CFAP58: variants seen among roughly 807,000 people sequenced by gnomAD.
CFAP58 encodes the protein cilia and flagella associated protein 58.
A neutral mutation model predicts 119.5 loss-of-function variants in CFAP58; 88 were observed. The ratio of observed to expected loss-of-function variants is 0.74; its 90% CI spans 0.62 to 0.88. The LOEUF is 0.88. Among genes scored for constraint, CFAP58 ranks in the 40% least tolerant of loss-of-function variants. The probability of loss-of-function intolerance (pLI) is 0.00; values close to 1 mark genes in which losing one functional copy is unlikely to be tolerated. For synonymous variants in CFAP58, 365 were observed against 366.3 expected (o/e 1.00, Z 0.04); for missense variants, 990 against 1,021.2 (o/e 0.97, Z 0.42).
At position 104,442,625 on chromosome 10, in the gene CFAP58, A is replaced by G. The variant is rs149508511; in HGVS notation, c.2257-5073A>G. Among the ~76,000 whole-genome samples the G allele has an allele frequency of 4.0e-3, 607 of 152,084 alleles. 1 individual carries two copies. The highest frequency in any genetic ancestry group is 6.1e-3 in the Non-Finnish European group (416 of 68,002). On this transcript the variant is annotated intron_variant, in intron 15 of 17. Coordinates refer to ENST00000369704, the MANE Select transcript of CFAP58 (RefSeq NM_001008723.2). ...AAAAAAGTTATGCTTACATTTTTAT[A>G]TTTATGTGTATCAGTATGTACATGC...
chr10:104,450,171 AC>A lies in CFAP58; in HGVS notation c.2479del (p.Leu827SerfsTer23). The A allele has an allele frequency of 6.2e-7, 1 of 1,613,380 alleles. No individual in the cohort carries two copies. Among genetic ancestry groups the A allele is most frequent in the Non-Finnish European group, 8.5e-7 (1 of 1,179,846 alleles). On this transcript the variant is annotated frameshift_variant, in exon 17 of 18. Transcript: ENST00000369704. LOFTEE classifies it high-confidence loss of function. ...GAGCTCCAGAATTTAAAGAAGAAAT[AC>A]CTCGCTCAGAAACGTAAAGAACAAC... is the stretch of plus-strand genomic sequence containing the variant. Reference protein sequence around the residue: ...TNELQNLKKKYLAQKRKEQLQ... With the variant: ...TNELQNLKKKXLAQKRKEQLQ...
intron 15 of CFAP58, among the ~76,000 whole-genome samples, chr10:104,421,360 C>T (rs1317020161): frequency 6.6e-6 from 1 of 152,176 alleles, no homozygotes; most frequent in African/African-American, 2.4e-5. Context: ...TCTGGTTGGT[C>T]GCAGCCTGAG....
At chr10:104,434,820 C>G (rs1483149296) in intron 15 of CFAP58, among the ~76,000 whole-genome samples, 2 of 152,192 alleles carry the variant, frequency 1.3e-5, no homozygotes, top group African/African-American at 4.8e-5. Context: ...ACTTGTCTGC[C>G]TCTCCCATTA....
chr10:104,440,844 C>A (rs934174148), intron 15 of CFAP58, among the ~76,000 whole-genome samples: 1 of 152,076 alleles, frequency 6.6e-6, no homozygotes, highest in Non-Finnish European at 1.5e-5. Flanking sequence ...TTTCCCTTTC[C>A]GTGGCCCACC....
chr10:104,399,543 C>A (rs2012225121), intron 12 of CFAP58, 43 bp downstream of exon 12: 4 of 1,597,936 alleles, frequency 2.5e-6, no homozygotes, highest in African/African-American at 2.7e-5. Context: ...TGTCAACAGA[C>A]ACGGGTATTT....
the CFAP58 span, among the ~76,000 whole-genome samples, chr10:104,345,216 G>T: frequency 6.6e-6 from 1 of 151,818 alleles, no homozygotes; most frequent in Admixed American, 6.6e-5. Flanking sequence ...GCCTATCCTT[G>T]TTGCCTATGA....
chr10:104,357,280 G>C (rs2014555317), intron 1 of CFAP58, among the ~76,000 whole-genome samples: 1 of 152,174 alleles, frequency 6.6e-6, no homozygotes, highest in South Asian at 2.1e-4. Flanking sequence ...ATCTAACCAT[G>C]GAAAGCAAAT....
chr10:104,347,604 T>C, the CFAP58 span, among the ~76,000 whole-genome samples: 2 of 152,128 alleles, frequency 1.3e-5, no homozygotes, highest in Admixed American at 6.5e-5. Flanking sequence ...ATGTAGTTTT[T>C]AGATTCCATA....
chr10:104,403,282 T>C (rs550120147), intron 13 of CFAP58, among the ~76,000 whole-genome samples: 1 of 152,290 alleles, frequency 6.6e-6, no homozygotes, highest in East Asian at 1.9e-4. Context: ...CGATGTAAGA[T>C]GTTCCTTTGC....
the CFAP58 span, among the ~76,000 whole-genome samples, chr10:104,338,768 G>A: frequency 6.6e-6 from 1 of 152,246 alleles, no homozygotes; most frequent in Admixed American, 6.5e-5. Flanking sequence ...CAGTCGGGGA[G>A]AGTTTTCTGC....
intron 15 of CFAP58, among the ~76,000 whole-genome samples, chr10:104,443,418 G>A (rs561214970): frequency 6.6e-6 from 1 of 152,326 alleles, no homozygotes; most frequent in East Asian, 1.9e-4. Context: ...CTGGAGGAAA[G>A]CTGCCTGTTT....
chr10:104,341,046 T>C, the CFAP58 span, among the ~76,000 whole-genome samples: 1 of 152,164 alleles, frequency 6.6e-6, no homozygotes, highest in Admixed American at 6.5e-5. Flanking sequence ...CAATTTATAC[T>C]ACCCACGTGC....
At chr10:104,416,694 A>G (rs1483929563) in intron 15 of CFAP58, among the ~76,000 whole-genome samples, 1 of 152,186 alleles carries the variant, frequency 6.6e-6, no homozygotes, top group Non-Finnish European at 1.5e-5. Context: ...ATGCTTGTAT[A>G]GGTATTATCT....
rs1413798760 is a variant in CFAP58 at position 104,353,886 on chromosome 10, G to C, written c.-12G>C. The C allele has an allele frequency of 6.2e-7, 1 of 1,612,934 alleles. No homozygotes were observed. Among genetic ancestry groups the C allele is most frequent in the Non-Finnish European group, 8.5e-7 (1 of 1,179,154 alleles). The stretch of plus-strand genomic sequence containing the variant: ...ACAGCAGCCTCTGAGGCCGCCCCCA[G>C]AGAGCATCAGGATGGCTGAGGTCAG... On this transcript the variant is annotated 5_prime_UTR_variant, in exon 1 of 18. Coordinates refer to ENST00000369704, the MANE Select transcript of CFAP58 (RefSeq NM_001008723.2).
At chr10:104,419,713 C>T (rs989730852) in intron 15 of CFAP58, among the ~76,000 whole-genome samples, 1 of 152,054 alleles carries the variant, frequency 6.6e-6, no homozygotes, top group African/African-American at 2.4e-5. Context: ...GACTTCGTTG[C>T]TTTGTTAGAC....
rs543463749 is a variant in CFAP58 at position 104,407,313 on chromosome 10, CCAT to C, written c.2256+541_2256+543del. On this transcript the variant is annotated intron_variant, in intron 15 of 17. Coordinates refer to ENST00000369704, the MANE Select transcript of CFAP58 (RefSeq NM_001008723.2). ...ATCATCATCACCATCTTCCTCACTG[CCAT>C]CATCATCATCATCATCATCACTTAC... 5.4e-4 allele frequency among the ~76,000 whole-genome samples: 82 copies of C among 152,102 alleles called. No individual in the cohort carries two copies. The East Asian group carries it at 5.6e-3, about 10-fold the overall frequency.
intron 1 of CFAP58, among the ~76,000 whole-genome samples, chr10:104,357,855 A>ACACACATATATACACATATATG: frequency 2.1e-5 from 1 of 46,776 alleles, no homozygotes; most frequent in South Asian, 4.7e-4. Flanking sequence ...GTACACATAT[A>ACACACATATATACACATATATG]TACACATATA....
intron 10 of CFAP58, among the ~76,000 whole-genome samples, chr10:104,392,733 G>A (rs991279275): frequency 2.0e-5 from 3 of 149,954 alleles, no homozygotes; most frequent in African/African-American, 7.4e-5. Context: ...TCTGCCTCCT[G>A]GGTTCAAGTG....
intron 1 of CFAP58, among the ~76,000 whole-genome samples, chr10:104,357,940 TATGTAC>T (rs2014597153): frequency 7.7e-6 from 1 of 130,428 alleles, no homozygotes; most frequent in African/African-American, 4.0e-5. Context: ...TACACACATA[TATGTAC>T]ACATATATAC....
Sources: gnomAD v4.1 joint callset for allele counts (sites outside exome capture counted in the v4.1 genomes callset) on GRCh38, gnomAD v4.1.1 for gene constraint, MANE v1.5 for transcripts, NCBI Gene and HGNC (gene_info 2026-07-23, HGNC 2026-07-21) for gene names.